Variants in HOOK3 observed in about 807,000 individuals in gnomAD.
The protein encoded by HOOK3 is protein Hook homolog 3.
A neutral mutation model predicts 116.3 loss-of-function variants in HOOK3; 24 were observed. That is an observed-to-expected ratio of 0.21 (90% confidence interval 0.15 to 0.29). The LOEUF (loss-of-function observed/expected upper bound fraction) is 0.29. Ranked by LOEUF, HOOK3 falls within the 10% of genes least tolerant of loss-of-function variation. The pLI is 1.00. For synonymous variants in HOOK3, 275 were observed against 283.0 expected (o/e 0.97, Z 0.28); for missense variants, 632 against 830.2 (o/e 0.76, Z 2.93).
In HOOK3 at chr8:43,028,943, C is replaced by T. The variant is rs1163436849; in HGVS notation, c.*10445C>T. On this transcript the variant is annotated 3_prime_UTR_variant, in exon 22 of 22. Transcript: ENST00000307602. ...GATGATTCTTATTGTAGTTCAAGTA[C>T]AGATGAGTAAGTGGTGTGACTTCAG... 2 of 202,064 alleles carry T rather than the reference C, an allele frequency of 9.9e-6. No individual in the cohort carries two copies. Among genetic ancestry groups the T allele is most frequent in the Admixed American group, 1.2e-4 (2 of 16,748 alleles). 12.5% of individuals were successfully genotyped at this position (202,064 alleles called of 1,614,324 possible). A position where few individuals can be genotyped will look rare whatever the true frequency, so the allele number is the denominator to read the frequency against.
intron 14 of HOOK3, among the ~76,000 whole-genome samples, chr8:42,985,290 T>C (rs775604046): frequency 1.3e-5 from 2 of 152,186 alleles, no homozygotes; most frequent in Non-Finnish European, 2.9e-5. Flanking sequence ...CTTATTGACT[T>C]GTTAAAGCTC....
intron 4 of HOOK3, among the ~76,000 whole-genome samples, chr8:42,942,904 TTGGGAATCAAG>T (rs1554511068): frequency 6.6e-6 from 1 of 152,102 alleles, no homozygotes; most frequent in Non-Finnish European, 1.5e-5. Flanking sequence ...TGCCGGTGTT[TTGGGAATCAAG>T]TGGGAATCAA....
chr8:42,918,656 C>T (rs925525274), intron 2 of HOOK3, among the ~76,000 whole-genome samples: 16 of 152,124 alleles, frequency 1.1e-4, no homozygotes, highest in African/African-American at 3.6e-4. Context: ...CTTCAAGCAT[C>T]TGTTTAACAA....
At chr8:42,945,919 A>G (rs982672601) in intron 5 of HOOK3, among the ~76,000 whole-genome samples, 7 of 152,106 alleles carry the variant, frequency 4.6e-5, no homozygotes, top group Non-Finnish European at 8.8e-5. Flanking sequence ...AGATAATAAT[A>G]TAATTAATAT....
intron 5 of HOOK3, among the ~76,000 whole-genome samples, chr8:42,947,763 G>A (rs988847675): frequency 1.3e-5 from 2 of 152,030 alleles, no homozygotes; most frequent in Non-Finnish European, 1.5e-5. Flanking sequence ...TACCTGACTC[G>A]CTTGGGATGA....
intron 8 of HOOK3, among the ~76,000 whole-genome samples, chr8:42,961,724 T>C (rs917317548): frequency 1.2e-4 from 19 of 152,224 alleles, no homozygotes; most frequent in Non-Finnish European, 2.5e-4. Context: ...GAAAACTCCA[T>C]AGGAAACTAG....
At chr8:42,952,755 T>C (rs542494770) in intron 6 of HOOK3, among the ~76,000 whole-genome samples, 60 of 152,318 alleles carry the variant, frequency 3.9e-4, no homozygotes, top group Admixed American at 3.5e-3. Context: ...AACTGGTATA[T>C]CTTTTAAAAA....
intron 2 of HOOK3, among the ~76,000 whole-genome samples, chr8:42,914,994 T>G (rs1205228650): frequency 6.6e-6 from 1 of 152,140 alleles, no homozygotes; most frequent in Non-Finnish European, 1.5e-5. Flanking sequence ...GTATAGAAAT[T>G]ACTCATAAAA....
At position 43,027,002 on chromosome 8, in the gene HOOK3, C is replaced by T. The variant is rs57012672; in HGVS notation, c.*8504C>T. On this transcript the variant is annotated 3_prime_UTR_variant, in exon 22 of 22. Coordinates refer to ENST00000307602, the MANE Select transcript of HOOK3 (RefSeq NM_032410.4). The stretch of plus-strand genomic sequence containing the variant: ...CACCTCCCGGTTTCAAGTGATTCTC[C>T]CACCTCAGCCTCCCGAGTAGTTAGG... 0.014 allele frequency: 2,538 copies of T among 181,198 alleles called. 78 individuals are homozygous for T. The highest frequency in any genetic ancestry group is 0.056 in the African/African-American group (2,369 of 42,466). The allele number at this position is 181,198 out of a possible 1,614,324, so 11.2% of individuals were successfully genotyped here.
At chr8:43,013,894 T>TA (rs1332822708) in intron 21 of HOOK3, among the ~76,000 whole-genome samples, 1 of 152,202 alleles carries the variant, frequency 6.6e-6, no homozygotes, top group Non-Finnish European at 1.5e-5. Context: ...TGTGAATAGT[T>TA]ACGGATTTTA....
chr8:43,000,398 A>G (rs772799066), intron 16 of HOOK3: 19 of 500,242 alleles, frequency 3.8e-5, no homozygotes, highest in Non-Finnish European at 5.7e-5. Flanking sequence ...TATCTGGATT[A>G]CTTGCCTCAT....
At chr8:43,017,480 G>A (rs1397691544) in intron 21 of HOOK3, among the ~76,000 whole-genome samples, 1 of 152,006 alleles carries the variant, frequency 6.6e-6, no homozygotes, top group Non-Finnish European at 1.5e-5. Flanking sequence ...TGCTAAGGCT[G>A]GTCTTGAGCT....
At chr8:42,958,769 TG>T (rs1479868320) in intron 7 of HOOK3, among the ~76,000 whole-genome samples, 1 of 151,950 alleles carries the variant, frequency 6.6e-6, no homozygotes, top group Non-Finnish European at 1.5e-5. Context: ...CCCCTTGCCT[TG>T]CCATAAGGTT....
In HOOK3 at chr8:42,943,290, A is replaced by G. The variant is rs766189987; in HGVS notation, c.268-23A>G. 2.1e-6 allele frequency: 3 copies of G among 1,400,322 alleles called. No homozygotes were observed. In the South Asian group the frequency reaches 5.2e-5, roughly 24 times the overall value. 86.7% of individuals were successfully genotyped at this position (1,400,322 alleles called of 1,614,324 possible). A position where few individuals can be genotyped will look rare whatever the true frequency, so the allele number is the denominator to read the frequency against. On this transcript the variant is annotated intron_variant, in intron 4 of 21. Transcript: ENST00000307602. Reference sequence around the variant, plus strand: ...TGGTCATATAAATGTAAATGCAATTATAATCCTTTTATCTCCATTCAGATT... The same window carrying G: ...TGGTCATATAAATGTAAATGCAATTGTAATCCTTTTATCTCCATTCAGATT...
At chr8:42,935,566 T>C (rs1293590976) in intron 4 of HOOK3, among the ~76,000 whole-genome samples, 1 of 152,216 alleles carries the variant, frequency 6.6e-6, no homozygotes, top group Non-Finnish European at 1.5e-5. Flanking sequence ...TTAATTTTTG[T>C]ATAAGGTGTA....
intron 6 of HOOK3, among the ~76,000 whole-genome samples, chr8:42,951,767 T>C (rs1412612187): frequency 6.6e-6 from 1 of 151,582 alleles, no homozygotes; most frequent in African/African-American, 2.4e-5. Context: ...ATGGTGAAAC[T>C]TCGTCTGTAC....
intron 5 of HOOK3, among the ~76,000 whole-genome samples, chr8:42,948,404 T>C (rs1274215288): frequency 6.6e-6 from 1 of 152,200 alleles, no homozygotes; most frequent in Non-Finnish European, 1.5e-5. Flanking sequence ...TTTAAAAAAC[T>C]GTACAGTAAT....
chr8:42,985,641 A>G (rs895731060), intron 14 of HOOK3, among the ~76,000 whole-genome samples: 1 of 152,072 alleles, frequency 6.6e-6, no homozygotes, highest in African/African-American at 2.4e-5. Flanking sequence ...CATGTTGCCC[A>G]TACTGAGGCA....
chr8:42,981,744 C>T (rs749677803), intron 13 of HOOK3, among the ~76,000 whole-genome samples: 5 of 150,584 alleles, frequency 3.3e-5, no homozygotes, highest in South Asian at 2.1e-4. Flanking sequence ...ATTAGCTGGG[C>T]GTGGTGGTGG....
Sources: allele counts gnomAD v4.1 joint callset (sites outside exome capture counted in the v4.1 genomes callset), GRCh38; gene constraint gnomAD v4.1.1; transcripts MANE v1.5; gene names NCBI Gene and HGNC (gene_info 2026-07-23, HGNC 2026-07-21).